The following SIMC1 variants were observed in gnomAD, a reference collection of about 807,000 sequenced individuals.
The protein encoded by SIMC1 is SUMO-interacting motif-containing protein 1.
A neutral mutation model predicts 82.3 loss-of-function variants in SIMC1; 55 were observed. That is an observed-to-expected ratio of 0.67 (90% confidence interval 0.54 to 0.84). SIMC1 has a LOEUF of 0.84. Ranked by LOEUF, SIMC1 falls within the 40% of genes least tolerant of loss-of-function variation. SIMC1 has a pLI of 0.00. For synonymous variants in SIMC1, 353 were observed against 426.3 expected (o/e 0.83, Z 2.12); for missense variants, 915 against 1,107.2 (o/e 0.83, Z 2.46).
intron 1 of SIMC1, among the ~76,000 whole-genome samples, chr5:176,253,300 A>AT (rs771641649): frequency 2.0e-5 from 3 of 151,704 alleles, no homozygotes; most frequent in Non-Finnish European, 2.9e-5. Flanking sequence ...TGCCCTTAAT[A>AT]TTTTTTCCTT....
intron 9 of SIMC1, among the ~76,000 whole-genome samples, chr5:176,341,039 T>A (rs2113421970): frequency 6.6e-6 from 1 of 151,998 alleles, no homozygotes; most frequent in Middle Eastern, 3.4e-3. Context: ...CCCAGCTGCT[T>A]GGGAGGCTGA....
intron 5 of SIMC1, among the ~76,000 whole-genome samples, chr5:176,318,698 C>G (rs1401121803): frequency 1.3e-5 from 2 of 152,204 alleles, no homozygotes; most frequent in Admixed American, 6.5e-5. Flanking sequence ...TCTTTATCTT[C>G]TCATACATTG....
chr5:176,320,603 C>G (rs2113365060), intron 5 of SIMC1, among the ~76,000 whole-genome samples: 1 of 152,246 alleles, frequency 6.6e-6, no homozygotes, highest in South Asian at 2.1e-4. Flanking sequence ...CTCTTGGACT[C>G]AAGCCATTTG....
At chr5:176,289,310 G>A (rs1204035128) in intron 1 of SIMC1, among the ~76,000 whole-genome samples, 1 of 151,856 alleles carries the variant, frequency 6.6e-6, no homozygotes, top group Admixed American at 6.6e-5. Flanking sequence ...TTTAGTTTTT[G>A]TTGTAGGTTA....
intron 1 of SIMC1, among the ~76,000 whole-genome samples, chr5:176,265,325 T>C (rs2560164): frequency 1.4e-3 from 218 of 151,674 alleles, no homozygotes; most frequent in African/African-American, 5.0e-3. Context: ...GCCCTGCTAG[T>C]CAGGCTGGCA....
At chr5:176,340,493 G>A (rs1435658983) in intron 9 of SIMC1, among the ~76,000 whole-genome samples, 2 of 152,216 alleles carry the variant, frequency 1.3e-5, no homozygotes, top group Admixed American at 1.3e-4. Flanking sequence ...GCAGAAGTCA[G>A]TCACAGTCAT....
chr5:176,300,282 A>G (rs193103671), intron 4 of SIMC1, among the ~76,000 whole-genome samples: 67 of 152,276 alleles, frequency 4.4e-4, no homozygotes, highest in African/African-American at 1.5e-3. Flanking sequence ...GAGAATAGGG[A>G]AAAAATGAAC....
chr5:176,274,425 G>C (rs1343529484), intron 1 of SIMC1, among the ~76,000 whole-genome samples: 1 of 151,678 alleles, frequency 6.6e-6, no homozygotes, highest in Non-Finnish European at 1.5e-5. Flanking sequence ...AGATGAGTAG[G>C]TTGCAAAAAT....
chr5:176,299,143 C>G (rs1763937505), intron 4 of SIMC1, among the ~76,000 whole-genome samples: 2 of 152,208 alleles, frequency 1.3e-5, no homozygotes, highest in South Asian at 4.1e-4. Flanking sequence ...CCTGTAATTC[C>G]AGCACTTTGG....
chr5:176,315,034 C>T (rs1215423219), intron 5 of SIMC1, among the ~76,000 whole-genome samples: 1 of 152,178 alleles, frequency 6.6e-6, no homozygotes, highest in Non-Finnish European at 1.5e-5. Context: ...GTGTTTTCAA[C>T]TTAAAATATT....
intron 4 of SIMC1, among the ~76,000 whole-genome samples, chr5:176,301,188 C>T (rs1269168985): frequency 6.6e-6 from 1 of 152,096 alleles, no homozygotes; most frequent in Non-Finnish European, 1.5e-5. Context: ...TGGGAGGGAC[C>T]TGGTGGGAGG....
rs573212758 is a variant in SIMC1, at chr5:176,328,536, A to AT, written c.2171+3785dup. Among the ~76,000 whole-genome samples the AT allele has an allele frequency of 5.9e-5, 9 of 152,242 alleles. No individual in the cohort carries two copies. The South Asian group carries it at 6.2e-4, about 11-fold the overall frequency. ...AACCCATTTATGCCTGGGGTTCAACATTTTTTGTGTGAAAAATCAGACCTG... is the reference window on the plus strand; with the variant it reads ...AACCCATTTATGCCTGGGGTTCAACATTTTTTTGTGTGAAAAATCAGACCTG... On this transcript the variant is annotated intron_variant, in intron 7 of 9. Coordinates refer to ENST00000429602, the MANE Select transcript of SIMC1 (RefSeq NM_001308195.2).
rs553574854 is a variant in SIMC1 at position 176,286,815 on chromosome 5, G to A, written c.130-2839G>A. On this transcript the variant is annotated intron_variant, in intron 1 of 9. Coordinates refer to ENST00000429602, the MANE Select transcript of SIMC1 (RefSeq NM_001308195.2). ...AAATCAACCCTATCAAAAAGTGGGC[G>A]AAATATATGAACAGATACTTCTCAA... 3.9e-5 allele frequency among the ~76,000 whole-genome samples: 6 copies of A among 152,188 alleles called. No individual in the cohort carries two copies. In the South Asian group the frequency reaches 8.3e-4, roughly 21 times the overall value.
intron 7 of SIMC1, among the ~76,000 whole-genome samples, chr5:176,335,593 T>G (rs893181398): frequency 1.3e-5 from 2 of 149,768 alleles, no homozygotes; most frequent in African/African-American, 2.4e-5. Flanking sequence ...TTTAAATTTT[T>G]AATTTGAATT....
intron 1 of SIMC1, among the ~76,000 whole-genome samples, chr5:176,254,163 G>T (rs369872140): frequency 7.9e-5 from 12 of 152,062 alleles, no homozygotes; most frequent in Non-Finnish European, 1.6e-4. Flanking sequence ...TAGGGATGTT[G>T]CCAAGGTCAC....
In SIMC1 at chr5:176,257,963, G is replaced by A. The variant is rs1199365788; in HGVS notation, c.129+19326G>A. Among the ~76,000 whole-genome samples, 2 of 152,142 alleles carry A rather than the reference G, an allele frequency of 1.3e-5. 1 individual carries two copies. Among genetic ancestry groups the A allele is most frequent in the African/African-American group, 4.8e-5 (2 of 41,432 alleles). On this transcript the variant is annotated intron_variant, in intron 1 of 9. Transcript: ENST00000429602. The stretch of plus-strand genomic sequence containing the variant: ...ATTGCCAAATAGCCCCTGTATGGGA[G>A]GTAAAATTGCACCAGTTCAGAACCA...
intron 9 of SIMC1, among the ~76,000 whole-genome samples, chr5:176,339,795 G>A (rs1449051400): frequency 1.3e-5 from 2 of 152,152 alleles, no homozygotes; most frequent in Admixed American, 6.5e-5. Flanking sequence ...GCTTCTTTGG[G>A]GTCCAAGAGT....
intron 7 of SIMC1, among the ~76,000 whole-genome samples, chr5:176,327,296 ATTTAT>A (rs1370401559): frequency 6.6e-6 from 1 of 152,178 alleles, no homozygotes; most frequent in African/African-American, 2.4e-5. Context: ...CTTTACCTTG[ATTTAT>A]TTTAATTTTC....
chr5:176,287,651 TAAATAAAAA>T (rs1439581220), intron 1 of SIMC1, among the ~76,000 whole-genome samples: 1 of 24,116 alleles, frequency 4.1e-5, no homozygotes, highest in Non-Finnish European at 1.0e-4. Context: ...AAGTTAAAAA[TAAATAAAAA>T]TAAAATGTAA....
Sources: allele counts gnomAD v4.1 joint callset (sites outside exome capture counted in the v4.1 genomes callset), GRCh38; gene constraint gnomAD v4.1.1; transcripts MANE v1.5; gene names NCBI Gene and HGNC (gene_info 2026-07-23, HGNC 2026-07-21).